Variants in CDC14A observed in about 807,000 individuals in gnomAD.
CDC14A encodes dual specificity protein phosphatase CDC14A.
Under a neutral mutation model 74.4 loss-of-function variants are expected in CDC14A, and 53 were observed. The observed-to-expected ratio is 0.71, with a 90% confidence interval of 0.57 to 0.89. The LOEUF is 0.89. Ranked by LOEUF, CDC14A falls within the 40% of genes least tolerant of loss-of-function variation. The probability of loss-of-function intolerance (pLI) is 0.00; values close to 1 mark genes in which losing one functional copy is unlikely to be tolerated. For synonymous variants in CDC14A, 247 were observed against 258.4 expected (o/e 0.96, Z 0.43); for missense variants, 646 against 713.7 (o/e 0.91, Z 1.08).
At chr1:100,411,594 G>T (rs1302986760) in intron 4 of CDC14A, among the ~76,000 whole-genome samples, 2 of 152,154 alleles carry the variant, frequency 1.3e-5, no homozygotes, top group Admixed American at 6.6e-5. Context: ...TCAAAAGAGG[G>T]TAGTAGAGGG....
chr1:100,374,073 C>T (rs529060961), intron 2 of CDC14A, among the ~76,000 whole-genome samples: 350 of 152,068 alleles, frequency 2.3e-3, no homozygotes, highest in South Asian at 5.0e-3. Flanking sequence ...TTTGTTCTTG[C>T]GATAGTTTAC....
chr1:100,485,834 G>A (rs367706085), intron 11 of CDC14A: 1 of 152,190 alleles, frequency 6.6e-6, no homozygotes, highest in Admixed American at 6.5e-5. Context: ...AGGGACAAAG[G>A]ATGGAGACCG....
intron 2 of CDC14A, among the ~76,000 whole-genome samples, chr1:100,372,062 T>G (rs1482576615): frequency 6.6e-6 from 1 of 152,240 alleles, no homozygotes; most frequent in Non-Finnish European, 1.5e-5. Flanking sequence ...AAAGCTATGT[T>G]TATACTATAC....
intron 14 of CDC14A, 22 bp from the exon 15 acceptor site, chr1:100,498,907 C>A: frequency 6.3e-7 from 1 of 1,593,608 alleles, no homozygotes; most frequent in Non-Finnish European, 8.5e-7. Flanking sequence ...TTTTTCCCTC[C>A]TCACTTGTGT....
intron 15 of CDC14A, among the ~76,000 whole-genome samples, chr1:100,517,775 A>G (rs1308462751): frequency 6.6e-6 from 1 of 152,250 alleles, no homozygotes; most frequent in Non-Finnish European, 1.5e-5. Context: ...TATAAATTCA[A>G]GCATGCTTAA....
At chr1:100,356,484 A>G (rs577096869) in intron 2 of CDC14A, among the ~76,000 whole-genome samples, 1 of 152,206 alleles carries the variant, frequency 6.6e-6, no homozygotes, top group South Asian at 2.1e-4. Flanking sequence ...GTTGCAGAGG[A>G]CATATATCCT....
intron 15 of CDC14A, among the ~76,000 whole-genome samples, 174 bp from the exon 16 acceptor site, chr1:100,518,077 A>G (rs1214887233): frequency 6.6e-6 from 1 of 152,190 alleles, no homozygotes; most frequent in Non-Finnish European, 1.5e-5. Context: ...GTAATTGAAT[A>G]TCTCATTCTT....
chr1:100,389,647 C>T (rs1224494368), intron 3 of CDC14A, among the ~76,000 whole-genome samples: 1 of 151,556 alleles, frequency 6.6e-6, no homozygotes, highest in South Asian at 2.1e-4. Context: ...AATTTGTAGA[C>T]AATAGCAGGA....
chr1:100,432,780 A>T (rs6670885), intron 5 of CDC14A, among the ~76,000 whole-genome samples: 3,012 of 152,292 alleles, frequency 0.02, 108 homozygotes, highest in African/African-American at 0.069. Flanking sequence ...ATTATACATG[A>T]GGCTCTCTTT....
intron 6 of CDC14A, among the ~76,000 whole-genome samples, chr1:100,441,531 A>G (rs561604214): frequency 6.6e-6 from 1 of 152,300 alleles, no homozygotes; most frequent in South Asian, 2.1e-4. Flanking sequence ...TATGTGAACT[A>G]CTATACATGG....
upstream of CDC14A, chr1:100,352,386 G>A: frequency 1.2e-6 from 1 of 853,416 alleles, no homozygotes; most frequent in Non-Finnish European, 1.4e-6. Context: ...AGGGATGGCC[G>A]CGGAGTCGTG....
At chr1:100,429,952 C>CA (rs1369027817) in intron 5 of CDC14A, among the ~76,000 whole-genome samples, 12 of 151,694 alleles carry the variant, frequency 7.9e-5, no homozygotes, top group African/African-American at 2.9e-4. Context: ...CTTTGTTGCC[C>CA]AGGGTGGGCT....
chr1:100,457,643 T>TTTA lies in CDC14A; in HGVS notation c.607+2151_607+2152insTTA, dbSNP rs10680456. Among the ~76,000 whole-genome samples, 107 of 147,938 alleles carry TTTA rather than the reference T, an allele frequency of 7.2e-4. 1 individual carries two copies. The highest frequency in any genetic ancestry group is 2.0e-3 in the African/African-American group (80 of 39,648). ...CCTGGCTGGTTTTTTTTTTTTTTTT[T>TTTA]AATTTTTAGTAGAGATGAGGTCTCT... On this transcript the variant is annotated intron_variant, in intron 8 of 15. Coordinates refer to ENST00000336454, the MANE Select transcript of CDC14A (RefSeq NM_003672.4).
At chr1:100,354,272 C>T (rs7548466) in intron 2 of CDC14A, among the ~76,000 whole-genome samples, 9,147 of 152,262 alleles carry the variant, frequency 0.06, 464 homozygotes, top group African/African-American at 0.14. Flanking sequence ...GACTTCTGTT[C>T]TATCTCAGGA....
At chr1:100,409,508 G>A (rs1660389453) in intron 4 of CDC14A, among the ~76,000 whole-genome samples, 2 of 152,172 alleles carry the variant, frequency 1.3e-5, no homozygotes, top group African/African-American at 4.8e-5. Flanking sequence ...AGCCTATAAA[G>A]TCAATAGCAA....
Position 100,520,052 on chromosome 1 carries a change from CATGTAT to C in CDC14A, c.*1777_*1782del, listed in dbSNP as rs1378678325. The C allele has an allele frequency of 3.9e-5, 6 of 152,208 alleles. No homozygotes were observed. The highest frequency in any genetic ancestry group is 2.4e-5 in the African/African-American group (1 of 41,324). The allele number at this position is 152,208 out of a possible 1,614,324, so 9.4% of individuals were successfully genotyped here. On this transcript the variant is annotated 3_prime_UTR_variant, in exon 16 of 16. Transcript: ENST00000336454. ...TGTGTATATGTGTCATATGTATGTA[CATGTAT>C]ATGTCTAAAAATTACTTTACACATG... is the stretch of plus-strand genomic sequence containing the variant.
Position 100,465,610 on chromosome 1 carries a change from G to T in CDC14A, c.839-2346G>T, listed in dbSNP as rs904457711. ...TATCCTATGTCAAATGAACTTTGGT[G>T]GCTACTGAAAAGGGAATGAATATGT... is the stretch of plus-strand genomic sequence containing the variant. On this transcript the variant is annotated intron_variant, in intron 9 of 15. Coordinates refer to ENST00000336454, the MANE Select transcript of CDC14A (RefSeq NM_003672.4). 2.0e-5 allele frequency among the ~76,000 whole-genome samples: 3 copies of T among 152,318 alleles called. No homozygotes were observed. In the East Asian group the frequency reaches 5.8e-4, roughly 29 times the overall value.
rs182499490 is a variant in CDC14A, at chr1:100,394,375, C to T, written c.309+3551C>T. ...TCAAGTGATCCCCCTGCTCTGGCCT[C>T]CCAAAGTGCTGGGATTACAGATGTG... On this transcript the variant is annotated intron_variant, in intron 4 of 15. Transcript: ENST00000336454. Among the ~76,000 whole-genome samples, 610 of 152,320 alleles carry T rather than the reference C, an allele frequency of 4.0e-3. 6 individuals carry two copies. Among genetic ancestry groups the T allele is most frequent in the African/African-American group, 0.014 (565 of 41,568 alleles).
chr1:100,346,977 C>T (rs1650482890), intron 1 of CDC14A, among the ~76,000 whole-genome samples: 1 of 152,134 alleles, frequency 6.6e-6, no homozygotes, highest in African/African-American at 2.4e-5. Context: ...TTATAGAAGC[C>T]ACACAAAAAC....
Sources: gnomAD v4.1 joint callset for allele counts (sites outside exome capture counted in the v4.1 genomes callset) on GRCh38, gnomAD v4.1.1 for gene constraint, MANE v1.5 for transcripts, NCBI Gene and HGNC (gene_info 2026-07-23, HGNC 2026-07-21) for gene names.